TMEM39A: variants seen among roughly 807,000 people sequenced by gnomAD.
The protein encoded by TMEM39A is suppressor of SQST-1 aggregates in rpl-43 mutants.
Under a neutral mutation model 51.9 loss-of-function variants are expected in TMEM39A, and 19 were observed. The observed-to-expected ratio is 0.37, with a 90% CI of 0.26 to 0.54. TMEM39A has a LOEUF of 0.54. TMEM39A is among the 20% of genes least tolerant of loss of function. The pLI, the probability that TMEM39A is intolerant of heterozygous loss-of-function variation, is 0.88. For synonymous variants in TMEM39A, 197 were observed against 220.2 expected, an observed-to-expected ratio of 0.89 and a Z score of 0.93; for missense variants, 433 against 590.5, an observed-to-expected ratio of 0.73 and a Z score of 2.76.
chr3:119,452,219 C>T (rs901788313), intron 4 of TMEM39A, among the ~76,000 whole-genome samples: 8 of 152,100 alleles, frequency 5.3e-5, no homozygotes, highest in Non-Finnish European at 1.2e-4. Context: ...AACTCAGTAG[C>T]GGAACACAAG....
Position 119,431,852 on chromosome 3 carries a change from T to C in TMEM39A, c.*129A>G. On this transcript the variant is annotated 3_prime_UTR_variant, in exon 9 of 9. Coordinates refer to ENST00000319172, the MANE Select transcript of TMEM39A (RefSeq NM_018266.3). ...CGGATACATTTAATATCCCTTACTC[T>C]TCCCGACTTTCAAAACATAATAGTA... 4.8e-6 allele frequency: 3 copies of C among 629,104 alleles called. No individual in the cohort carries two copies. The highest frequency in any genetic ancestry group is 7.7e-6 in the Non-Finnish European group (3 of 389,774). The allele number at this position is 629,104 out of a possible 1,614,324, so 39.0% of individuals were successfully genotyped here.
At chr3:119,434,303 A>C (rs1485311590) in intron 8 of TMEM39A, among the ~76,000 whole-genome samples, 1 of 152,262 alleles carries the variant, frequency 6.6e-6, no homozygotes, top group East Asian at 1.9e-4. Flanking sequence ...TGACTTCCAA[A>C]GGGGAAGCTA....
chr3:119,459,770 C>A (rs1422218932), intron 2 of TMEM39A, among the ~76,000 whole-genome samples: 2 of 152,112 alleles, frequency 1.3e-5, no homozygotes, highest in Non-Finnish European at 2.9e-5. Flanking sequence ...GGGACAAATT[C>A]TCTCCTCTCC....
In TMEM39A at chr3:119,429,703, A is replaced by G. The variant is rs553340953; in HGVS notation, c.*2278T>C. 3.6e-4 allele frequency: 55 copies of G among 152,132 alleles called. No homozygotes were observed. The highest frequency in any genetic ancestry group is 6.6e-4 in the Non-Finnish European group (45 of 67,998). 9.4% of individuals were successfully genotyped at this position (152,132 alleles called of 1,614,324 possible). A position where few individuals can be genotyped will look rare whatever the true frequency, so the allele number is the denominator to read the frequency against. ...TGGAATGTGTAGAACACGTTGAACT[A>G]AACGGTCTTATGCCCCGTATGCTGC... On this transcript the variant is annotated 3_prime_UTR_variant, in exon 9 of 9. Coordinates refer to ENST00000319172, the MANE Select transcript of TMEM39A (RefSeq NM_018266.3).
At chr3:119,450,787 C>T (rs2081187432) in intron 4 of TMEM39A, among the ~76,000 whole-genome samples, 1 of 141,980 alleles carries the variant, frequency 7.0e-6, no homozygotes, top group South Asian at 2.3e-4. Context: ...CACCACTGTG[C>T]TCCTGCTTCA....
In TMEM39A at chr3:119,462,149, C is replaced by T; in HGVS notation, c.-74-1G>A. The T allele has an allele frequency of 8.9e-7, 1 of 1,118,700 alleles. No homozygotes were observed. Among genetic ancestry groups the T allele is most frequent in the Non-Finnish European group, 1.3e-6 (1 of 755,668 alleles). 69.3% of individuals were successfully genotyped at this position (1,118,700 alleles called of 1,614,324 possible). On this transcript the variant is annotated splice_acceptor_variant, in intron 1 of 8. Coordinates refer to ENST00000319172, the MANE Select transcript of TMEM39A (RefSeq NM_018266.3). LOFTEE classifies it low-confidence loss of function (5UTR_SPLICE). Reference sequence around the variant, plus strand: ...TAATGGTTGTCAACCAGTTTCAACTCTGAACGACAACAAAAACATTTAAAC... The same window carrying T: ...TAATGGTTGTCAACCAGTTTCAACTTTGAACGACAACAAAAACATTTAAAC...
chr3:119,435,735 C>T (rs1236575408), intron 7 of TMEM39A: 3 of 1,006,782 alleles, frequency 3.0e-6, no homozygotes, highest in South Asian at 7.8e-5. Context: ...AAATGTTCCA[C>T]CGGCCTTGCT....
intron 3 of TMEM39A, among the ~76,000 whole-genome samples, chr3:119,457,077 T>A (rs1478713848): frequency 6.6e-6 from 1 of 152,106 alleles, no homozygotes; most frequent in African/African-American, 2.4e-5. Flanking sequence ...TTCATGCCAT[T>A]CTCCGGCCTC....
At chr3:119,434,721 A>T in intron 8 of TMEM39A, 41 bp downstream of exon 8, 1 of 1,608,276 alleles carries the variant, frequency 6.2e-7, no homozygotes, top group Non-Finnish European at 8.5e-7. Flanking sequence ...CCTAACACTT[A>T]CCCCTAAGCT....
intron 5 of TMEM39A, among the ~76,000 whole-genome samples, chr3:119,446,349 TCTAATAAC>T (rs1474327451): frequency 6.6e-6 from 1 of 151,568 alleles, no homozygotes; most frequent in African/African-American, 2.4e-5. Flanking sequence ...TGCCAGTCCA[TCTAATAAC>T]CAAGTCCGCT....
intron 3 of TMEM39A, among the ~76,000 whole-genome samples, chr3:119,457,609 C>A (rs952773003): frequency 1.3e-5 from 2 of 152,170 alleles, no homozygotes; most frequent in Non-Finnish European, 2.9e-5. Context: ...TGAAGAACTC[C>A]TGGCAACCAG....
chr3:119,453,737 C>T (rs1009747731), intron 3 of TMEM39A, among the ~76,000 whole-genome samples: 2 of 152,126 alleles, frequency 1.3e-5, no homozygotes, highest in African/African-American at 4.8e-5. Flanking sequence ...CCCACCTAAA[C>T]GTTTATTAAA....
chr3:119,448,995 T>C (rs1375881283), intron 4 of TMEM39A, among the ~76,000 whole-genome samples: 7 of 152,144 alleles, frequency 4.6e-5, no homozygotes, highest in Admixed American at 2.6e-4. Flanking sequence ...TATCTAATCA[T>C]TTTTTTAATT....
chr3:119,461,716 T>C (rs1161592918), intron 2 of TMEM39A, among the ~76,000 whole-genome samples: 1 of 152,170 alleles, frequency 6.6e-6, no homozygotes, highest in Non-Finnish European at 1.5e-5. Flanking sequence ...AAAAAGGGGA[T>C]AACAAGAATT....
chr3:119,447,311 A>C, intron 4 of TMEM39A, 139 bp from the exon 5 acceptor site: 2 of 754,038 alleles, frequency 2.7e-6, no homozygotes, highest in Non-Finnish European at 2.0e-6. Flanking sequence ...AAACTGCCCC[A>C]TCCCACCTTA....
Position 119,438,106 on chromosome 3 carries a change from G to A in TMEM39A, c.576-3C>T, listed in dbSNP as rs796380527. The A allele has an allele frequency of 6.4e-6, 10 of 1,573,004 alleles. No individual in the cohort carries two copies. The highest frequency in any genetic ancestry group is 7.8e-6 in the Non-Finnish European group (9 of 1,150,858). ...AAAGAGGAACATAAACACCAAACCTGTAAAACAAAGTGTGAAAATGAGACC... is the reference window on the plus strand; with the variant it reads ...AAAGAGGAACATAAACACCAAACCTATAAAACAAAGTGTGAAAATGAGACC... On this transcript the variant is annotated splice_region_variant and splice_polypyrimidine_tract_variant and intron_variant, in intron 5 of 8. Transcript: ENST00000319172.
At chr3:119,442,887 CCA>C (rs914790540) in intron 5 of TMEM39A, among the ~76,000 whole-genome samples, 3 of 151,842 alleles carry the variant, frequency 2.0e-5, no homozygotes, top group Non-Finnish European at 4.4e-5. Context: ...TAGCAAAACC[CCA>C]CCTCTACAAA....
intron 5 of TMEM39A, among the ~76,000 whole-genome samples, chr3:119,440,191 A>T (rs1237795720): frequency 1.3e-5 from 2 of 152,020 alleles, no homozygotes; most frequent in Non-Finnish European, 2.9e-5. Context: ...TGGGGATAAG[A>T]GGCTGGAGTG....
chr3:119,463,529 C>G lies in TMEM39A; in HGVS notation c.-268G>C. On this transcript the variant is annotated 5_prime_UTR_variant, in exon 1 of 9. Transcript: ENST00000319172. ...GGGCTGCCAGACTCAGACCCAGACT[C>G]CGACGCAGTTCCAGTGCCAGAGCTA... is the stretch of plus-strand genomic sequence containing the variant. The G allele has an allele frequency of 5.0e-6, 2 of 398,886 alleles. No individual in the cohort carries two copies. The highest frequency in any genetic ancestry group is 8.8e-6 in the Non-Finnish European group (2 of 226,276). The allele number at this position is 398,886 out of a possible 1,614,324, so 24.7% of individuals were successfully genotyped here.
Sources: allele counts gnomAD v4.1 joint callset (sites outside exome capture counted in the v4.1 genomes callset), GRCh38; gene constraint gnomAD v4.1.1; transcripts MANE v1.5; gene names NCBI Gene and HGNC (gene_info 2026-07-23, HGNC 2026-07-21).